The following RIN2 variants were observed in gnomAD, a reference collection of about 807,000 sequenced individuals.
RIN2 encodes RAB5 interacting protein 2.
In RIN2, 36 loss-of-function variants were observed where a neutral mutation model predicts 78.0. The observed-to-expected ratio is 0.46, with a 90% confidence interval of 0.35 to 0.61. RIN2 has a LOEUF of 0.61. Ranked by LOEUF, RIN2 falls within the 20% of genes least tolerant of loss-of-function variation. The pLI, the probability that RIN2 is intolerant of heterozygous loss-of-function variation, is 0.00. For missense variants in RIN2, 1,087 were observed against 1,159.7 expected, an observed-to-expected ratio of 0.94 and a Z score of 0.91; for synonymous variants, 466 against 466.8, an observed-to-expected ratio of 1.00 and a Z score of 0.02.
chr20:19,844,698 C>CTCTTCTTCTTCTTCTTCT lies in RIN2; in HGVS notation c.-36-44839_-36-44822dup, dbSNP rs869169793. On this transcript the variant is annotated intron_variant, in intron 2 of 12. Transcript: ENST00000255006. ...CTTCTTCTTCTTCCTCTTCCTCTTC[C>CTCTTCTTCTTCTTCTTCT]TCTTCTTCTTCTTCTTCTTCTTCTT... is the stretch of plus-strand genomic sequence containing the variant. Among the ~76,000 whole-genome samples, 91 of 26,354 alleles carry CTCTTCTTCTTCTTCTTCT rather than the reference C, an allele frequency of 3.5e-3. 4 individuals are homozygous for CTCTTCTTCTTCTTCTTCT. Among genetic ancestry groups the CTCTTCTTCTTCTTCTTCT allele is most frequent in the African/African-American group, 8.8e-3 (76 of 8,680 alleles). 17.3% of individuals were successfully genotyped at this position (26,354 alleles called of 152,430 possible). A position where few individuals can be genotyped will look rare whatever the true frequency, so the allele number is the denominator to read the frequency against.
At chr20:19,939,733 C>T (rs2040787761) in intron 4 of RIN2, among the ~76,000 whole-genome samples, 1 of 152,204 alleles carries the variant, frequency 6.6e-6, no homozygotes, top group Non-Finnish European at 1.5e-5. Context: ...CATCCTTCCC[C>T]CAGGAAGCCT....
At chr20:19,855,139 C>T (rs1050749120) in intron 2 of RIN2, among the ~76,000 whole-genome samples, 10 of 152,122 alleles carry the variant, frequency 6.6e-5, no homozygotes, top group African/African-American at 2.2e-4. Flanking sequence ...TTGAGATAAT[C>T]ATGTGGTTTT....
chr20:19,905,620 G>A (rs890830441), intron 3 of RIN2, among the ~76,000 whole-genome samples: 3 of 152,156 alleles, frequency 2.0e-5, no homozygotes, highest in Non-Finnish European at 4.4e-5. Flanking sequence ...GGTAGCGTGT[G>A]CCTGTAGTCC....
At chr20:19,855,546 G>T (rs1030484398) in intron 2 of RIN2, among the ~76,000 whole-genome samples, 43 of 152,226 alleles carry the variant, frequency 2.8e-4, no homozygotes, top group African/African-American at 1.0e-3. Flanking sequence ...GCCATCCTTT[G>T]ATGGCAACTT....
At chr20:19,785,954 G>A (rs1246985039) in intron 1 of RIN2, among the ~76,000 whole-genome samples, 1 of 152,176 alleles carries the variant, frequency 6.6e-6, no homozygotes, top group African/African-American at 2.4e-5. Flanking sequence ...CCCTGCCTCT[G>A]TGTGACCACA....
chr20:19,850,989 AAAAGGAAGGAAG>A (rs1294665238), intron 2 of RIN2, among the ~76,000 whole-genome samples: 1 of 123,138 alleles, frequency 8.1e-6, no homozygotes. Context: ...AGAAAGGGAG[AAAAGGAAGGAAG>A]GAAGGAAGGA....
chr20:19,801,820 A>G (rs2035252421), intron 2 of RIN2, among the ~76,000 whole-genome samples: 1 of 152,228 alleles, frequency 6.6e-6, no homozygotes, highest in South Asian at 2.1e-4. Flanking sequence ...TGACAGAGTA[A>G]GGAAGTGCAT....
intron 3 of RIN2, among the ~76,000 whole-genome samples, chr20:19,908,987 C>T (rs2039345821): frequency 6.6e-6 from 1 of 152,180 alleles, no homozygotes; most frequent in Non-Finnish European, 1.5e-5. Flanking sequence ...GCCTCAGCCT[C>T]CCAAGTAGCT....
intron 7 of RIN2, among the ~76,000 whole-genome samples, chr20:19,969,525 C>T (rs2042039213): frequency 6.6e-6 from 1 of 152,202 alleles, no homozygotes; most frequent in Non-Finnish European, 1.5e-5. Flanking sequence ...ACTCTTTATT[C>T]TCCTTTCCTG....
intron 1 of RIN2, among the ~76,000 whole-genome samples, chr20:19,782,870 T>C (rs1400087498): frequency 6.6e-6 from 1 of 152,250 alleles, no homozygotes; most frequent in East Asian, 1.9e-4. Flanking sequence ...AACAGGTGTT[T>C]GACGGTTTGA....
rs529823322 is a variant in RIN2 at position 19,992,365 on chromosome 20, C to T, written c.2200+66C>T. 1.8e-4 allele frequency: 253 copies of T among 1,434,442 alleles called. 2 individuals are homozygous for T. Among genetic ancestry groups the T allele is most frequent in the South Asian group, 1.6e-3 (117 of 72,608 alleles). 88.9% of individuals were successfully genotyped at this position (1,434,442 alleles called of 1,614,324 possible). ...TTTTTTCATTTTTTTATAATTGAGA[C>T]GAAATTCATGTCACATAACATTAAT... On this transcript the variant is annotated intron_variant, in intron 11 of 12. Transcript: ENST00000255006.
intron 2 of RIN2, among the ~76,000 whole-genome samples, chr20:19,835,803 G>A (rs1570159): frequency 0.73 from 110,304 of 152,120 alleles, 40,746 homozygotes; most frequent in East Asian, 0.92. Context: ...GGCTGAGTAG[G>A]AAAATCTCTC....
chr20:19,977,195 G>T (rs796538087), intron 9 of RIN2, among the ~76,000 whole-genome samples: 10 of 152,256 alleles, frequency 6.6e-5, no homozygotes, highest in African/African-American at 1.7e-4. Flanking sequence ...GGGGTCAGAG[G>T]GGGGTGCAGC....
chr20:19,913,359 G>C (rs1468329998), intron 3 of RIN2, among the ~76,000 whole-genome samples: 1 of 152,014 alleles, frequency 6.6e-6, no homozygotes, highest in Non-Finnish European at 1.5e-5. Flanking sequence ...TGTTGCCCAG[G>C]CTGTTCTCAA....
At chr20:19,973,272 AATAGCCACCTGT>A (rs1247204115) in intron 8 of RIN2, among the ~76,000 whole-genome samples, 1 of 152,230 alleles carries the variant, frequency 6.6e-6, no homozygotes, top group African/African-American at 2.4e-5. Context: ...TCAAGTGCTC[AATAGCCACCTGT>A]GGCTGTTGGC....
At chr20:19,936,679 T>C (rs919288777) in intron 4 of RIN2, among the ~76,000 whole-genome samples, 1 of 152,214 alleles carries the variant, frequency 6.6e-6, no homozygotes, top group Non-Finnish European at 1.5e-5. Flanking sequence ...GTTTTCTGAC[T>C]CCGGTGGGTA....
chr20:19,865,077 T>C (rs2123313282), intron 2 of RIN2, among the ~76,000 whole-genome samples: 1 of 152,334 alleles, frequency 6.6e-6, no homozygotes, highest in African/African-American at 2.4e-5. Context: ...AATGGTTTGC[T>C]GTAAATGTTT....
intron 1 of RIN2, among the ~76,000 whole-genome samples, chr20:19,763,927 T>C (rs893874891): frequency 6.6e-6 from 1 of 152,168 alleles, no homozygotes; most frequent in Non-Finnish European, 1.5e-5. Flanking sequence ...TGAGTGTATA[T>C]CTCATTTTTA....
At chr20:19,926,801 T>A (rs2040242994) in intron 3 of RIN2, among the ~76,000 whole-genome samples, 1 of 152,240 alleles carries the variant, frequency 6.6e-6, no homozygotes, top group Non-Finnish European at 1.5e-5. Context: ...AAACCACTGA[T>A]AACATTCCTG....
Sources: allele counts gnomAD v4.1 joint callset (sites outside exome capture counted in the v4.1 genomes callset), GRCh38; gene constraint gnomAD v4.1.1; transcripts MANE v1.5; gene names NCBI Gene and HGNC (gene_info 2026-07-23, HGNC 2026-07-21).